Variants in GLIS1 observed in about 807,000 individuals in gnomAD.
The protein encoded by GLIS1 is zinc finger protein GLIS1.
Under a neutral mutation model 63.8 loss-of-function variants are expected in GLIS1, and 24 were observed. The ratio of observed to expected loss-of-function variants is 0.38; its 90% CI spans 0.27 to 0.53. The LOEUF (loss-of-function observed/expected upper bound fraction) is 0.53. Ranked by LOEUF, GLIS1 falls within the 20% of genes least tolerant of loss-of-function variation. The pLI is 0.85. For synonymous variants in GLIS1, 450 were observed against 482.5 expected (o/e 0.93, Z 0.88); for missense variants, 1,036 against 1,074.1 (o/e 0.96, Z 0.50).
At chr1:53,570,038 A>C (rs1644970099) in intron 4 of GLIS1, among the ~76,000 whole-genome samples, 1 of 152,116 alleles carries the variant, frequency 6.6e-6, no homozygotes, top group Non-Finnish European at 1.5e-5. Context: ...AATTCCAATC[A>C]AAATCTAATC....
intron 2 of GLIS1, among the ~76,000 whole-genome samples, chr1:53,709,849 G>A (rs1036128509): frequency 1.4e-4 from 21 of 152,258 alleles, no homozygotes; most frequent in African/African-American, 4.1e-4. Context: ...TCACACAGAC[G>A]GGCATGAAGA....
At chr1:53,706,626 T>C (rs1441091978) in intron 2 of GLIS1, among the ~76,000 whole-genome samples, 2 of 152,246 alleles carry the variant, frequency 1.3e-5, no homozygotes, top group Non-Finnish European at 2.9e-5. Context: ...GGGGCTTTCA[T>C]TTATCGGCCT....
Position 53,645,985 on chromosome 1 carries a change from A to G in GLIS1, c.260-45707T>C, listed in dbSNP as rs77944914. Among the ~76,000 whole-genome samples the G allele has an allele frequency of 2.7e-4, 41 of 152,368 alleles. No homozygotes were observed. In the East Asian group the frequency reaches 6.7e-3, roughly 25 times the overall value. ...GCAGTGAACAAGGGGGGCAGGGGCCATATTCATTCATATGATGAATATTAC... is the reference window on the plus strand; with the variant it reads ...GCAGTGAACAAGGGGGGCAGGGGCCGTATTCATTCATATGATGAATATTAC... On this transcript the variant is annotated intron_variant, in intron 2 of 10. Transcript: ENST00000628545.
At chr1:53,685,325 C>T (rs1026279246) in intron 2 of GLIS1, among the ~76,000 whole-genome samples, 4 of 152,184 alleles carry the variant, frequency 2.6e-5, no homozygotes, top group Admixed American at 6.5e-5. Context: ...TCCTTGTGGC[C>T]GCCCCGCCGC....
chr1:53,527,567 C>G (rs979364509), intron 5 of GLIS1, among the ~76,000 whole-genome samples: 1 of 152,232 alleles, frequency 6.6e-6, no homozygotes. Flanking sequence ...TGGCCTGGTC[C>G]TCTCCAGTCT....
At chr1:53,507,178 C>A (rs895716786) in intron 10 of GLIS1, among the ~76,000 whole-genome samples, 22 of 152,152 alleles carry the variant, frequency 1.4e-4, no homozygotes, top group Admixed American at 1.4e-3. Context: ...TCAGTTGTAT[C>A]CCCCAACCAG....
intron 2 of GLIS1, among the ~76,000 whole-genome samples, chr1:53,709,115 T>C (rs189439545): frequency 3.2e-4 from 49 of 152,162 alleles, no homozygotes; most frequent in African/African-American, 1.1e-3. Context: ...ATTGAGTATA[T>C]GGATTTGTTG....
At chr1:53,578,127 A>G (rs1170221707) in intron 4 of GLIS1, among the ~76,000 whole-genome samples, 1 of 152,206 alleles carries the variant, frequency 6.6e-6, no homozygotes, top group Non-Finnish European at 1.5e-5. Context: ...CCTTGAGTAA[A>G]GGACTGCATC....
intron 2 of GLIS1, 139 bp from the exon 3 acceptor site, chr1:53,600,417 C>A: frequency 2.3e-6 from 1 of 428,282 alleles, no homozygotes; most frequent in Non-Finnish European, 3.9e-6. Flanking sequence ...CTGCTGCATG[C>A]AAGGTACCAG....
intron 4 of GLIS1, among the ~76,000 whole-genome samples, chr1:53,531,529 G>T (rs1198454153): frequency 6.6e-6 from 1 of 152,186 alleles, no homozygotes; most frequent in East Asian, 1.9e-4. Context: ...TCAGCACATT[G>T]AGTAATTTCT....
chr1:53,585,736 G>A (rs1325638117), intron 4 of GLIS1, among the ~76,000 whole-genome samples: 1 of 152,204 alleles, frequency 6.6e-6, no homozygotes, highest in African/African-American at 2.4e-5. Context: ...AAAGTGCCCT[G>A]TCTGTACTCA....
At chr1:53,547,701 G>T (rs1021365987) in intron 4 of GLIS1, among the ~76,000 whole-genome samples, 1 of 152,238 alleles carries the variant, frequency 6.6e-6, no homozygotes, top group African/African-American at 2.4e-5. Flanking sequence ...CGTACATTCT[G>T]GAATACAAAC....
At chr1:53,632,921 T>C (rs1338348234) in intron 2 of GLIS1, among the ~76,000 whole-genome samples, 10 of 137,184 alleles carry the variant, frequency 7.3e-5, no homozygotes, top group African/African-American at 2.8e-4. Flanking sequence ...GAGGTGTGAA[T>C]GAGTGTGACT....
intron 2 of GLIS1, among the ~76,000 whole-genome samples, chr1:53,725,416 A>T (rs797907): frequency 0.42 from 64,144 of 151,996 alleles, 14,373 homozygotes; most frequent in African/African-American, 0.57. Context: ...AGTGAGCACC[A>T]GTTTCCATTC....
intron 5 of GLIS1, among the ~76,000 whole-genome samples, chr1:53,529,425 G>C (rs555552175): frequency 1.2e-4 from 18 of 152,324 alleles, no homozygotes; most frequent in African/African-American, 4.3e-4. Context: ...ACAGGAAGGC[G>C]AATGTGCTCT....
At chr1:53,513,982 T>A (rs375311972) in intron 8 of GLIS1, among the ~76,000 whole-genome samples, 2 of 152,160 alleles carry the variant, frequency 1.3e-5, no homozygotes, top group African/African-American at 4.8e-5. Flanking sequence ...CTGGGAGGCC[T>A]CCCTCTGCTC....
At chr1:53,506,875 C>G in intron 10 of GLIS1, 99 bp from the exon 11 acceptor site, 1 of 1,214,250 alleles carries the variant, frequency 8.2e-7, no homozygotes. Flanking sequence ...CCAGGGTCAT[C>G]CCCTCACAGT....
chr1:53,516,263 T>G (rs1644351462), intron 7 of GLIS1, among the ~76,000 whole-genome samples: 2 of 152,146 alleles, frequency 1.3e-5, no homozygotes, highest in Admixed American at 1.3e-4. Flanking sequence ...CAGTCTCCTT[T>G]CATGGATGGG....
At chr1:53,634,405 G>C (rs760270630) in intron 2 of GLIS1, among the ~76,000 whole-genome samples, 2 of 152,220 alleles carry the variant, frequency 1.3e-5, no homozygotes, top group Non-Finnish European at 2.9e-5. Flanking sequence ...TCAGGGAGTT[G>C]AGGAAGAGTA....
Sources: gnomAD v4.1 joint callset for allele counts (sites outside exome capture counted in the v4.1 genomes callset) on GRCh38, gnomAD v4.1.1 for gene constraint, MANE v1.5 for transcripts, NCBI Gene and HGNC (gene_info 2026-07-23, HGNC 2026-07-21) for gene names.